The following ACTR8 variants were observed in gnomAD, a reference collection of about 807,000 sequenced individuals.
ACTR8 encodes actin related protein 8, also known as actin-related protein 8.
ACTR8 carries 70 observed loss-of-function variants against 84.3 expected under a neutral mutation model. That is an observed-to-expected ratio of 0.83 (90% CI 0.68 to 1.01). ACTR8 has a LOEUF of 1.01. ACTR8 is among the 50% of genes least tolerant of loss of function. The pLI, the probability that ACTR8 is intolerant of heterozygous loss-of-function variation, is 0.00. For missense variants in ACTR8, 672 were observed against 775.4 expected (o/e 0.87, Z 1.58); for synonymous variants, 268 against 275.2 (o/e 0.97, Z 0.26).
chr3:53,870,316 G>A lies in ACTR8; in HGVS notation c.1568-171C>T. ...CCCTACGAAACACAAATGTAGGCAT[G>A]TTGCCACGCCACCGCAATCCTACTT... On this transcript the variant is annotated intron_variant, in intron 11 of 12. Coordinates refer to ENST00000335754, the MANE Select transcript of ACTR8 (RefSeq NM_022899.5). The surrounding 1 kb of genome is among the most constrained non-coding windows in gnomAD (Gnocchi z 4.1). The A allele has an allele frequency of 1.4e-6, 1 of 702,372 alleles. No individual in the cohort carries two copies. The highest frequency in any genetic ancestry group is 2.4e-6 in the Non-Finnish European group (1 of 423,244). 43.5% of individuals were successfully genotyped at this position (702,372 alleles called of 1,614,324 possible).
In ACTR8 at chr3:53,868,792, A is replaced by G. The variant is rs1461472115; in HGVS notation, c.1802T>C (p.Leu601Pro). 6.2e-6 allele frequency: 10 copies of G among 1,614,238 alleles called. No homozygotes were observed. The highest frequency in any genetic ancestry group is 6.8e-6 in the Non-Finnish European group (8 of 1,180,050). Residue 601 changes from leucine to proline, a missense_variant, in exon 13 of 13, where the codon CTG becomes CCG. Transcript: ENST00000335754. ...VLACLDTTQE[L>P]WIYQREWQRF... The stretch of plus-strand genomic sequence containing the variant: ...CTGCCACTCTCGCTGATAAATCCAC[A>G]GTTCCTGTGTTGTATCCAAACAAGC...
At chr3:53,869,009 T>C (rs2107047415) in intron 12 of ACTR8, 147 bp from the exon 13 acceptor site, 1 of 1,204,170 alleles carries the variant, frequency 8.3e-7, no homozygotes, top group African/African-American at 1.5e-5. Flanking sequence ...CAGGATTAAA[T>C]ACAGGCTCAC....
At position 53,871,387 on chromosome 3, in the gene ACTR8, A is replaced by G. The variant is rs761445540; in HGVS notation, c.1412T>C (p.Val471Ala). The G allele has an allele frequency of 6.2e-7, 1 of 1,614,094 alleles. No individual in the cohort carries two copies. The highest frequency in any genetic ancestry group is 1.7e-5 in the Admixed American group (1 of 60,012). Residue 471 changes from valine to alanine, a missense_variant, in exon 11 of 13, where the codon GTA (valine) becomes GCA (alanine). By Grantham distance (64) the Val-to-Ala change is moderately conservative. Transcript: ENST00000335754. Reference protein sequence around the residue: ...DLPERLHSQEVDLGSAQGDGL... With the variant: ...DLPERLHSQEADLGSAQGDGL... Reference sequence around the variant, plus strand: ...ATCTCCCTGTGCAGACCCCAAATCTACCTCCTGGGAATGGAGTCTTTCTGG... The same window carrying G: ...ATCTCCCTGTGCAGACCCCAAATCTGCCTCCTGGGAATGGAGTCTTTCTGG...
chr3:53,865,255 G>A, downstream of ACTR8: 1 of 1,611,906 alleles, frequency 6.2e-7, no homozygotes, highest in Non-Finnish European at 8.5e-7. Flanking sequence ...CAAGCAGCAG[G>A]TGTCAGCAGG....
At chr3:53,860,169 T>A in the ACTR8 span, 2 of 1,614,164 alleles carry the variant, frequency 1.2e-6, no homozygotes, top group Non-Finnish European at 1.7e-6. Context: ...CTCCTCCTGC[T>A]GTCTCTGCTG....
Position 53,876,001 on chromosome 3 carries a change from G to A in ACTR8, c.858C>T (p.Asp286=). 1 of 1,614,036 alleles carries A rather than the reference G, an allele frequency of 6.2e-7. No individual in the cohort carries two copies. Among genetic ancestry groups the A allele is most frequent in the Non-Finnish European group, 8.5e-7 (1 of 1,180,024 alleles). Residue 286 remains aspartate, a synonymous_variant, in exon 7 of 13, where the codon GAC becomes GAT. Coordinates refer to ENST00000335754, the MANE Select transcript of ACTR8 (RefSeq NM_022899.5). The stretch of plus-strand genomic sequence containing the variant: ...CCACACAGCATACACTTGTCTTCTG[G>A]TCCCCAACGTCTACAATACACGTGC... ...LSSTCIVDVG[D]QKTSVCCVED... is the part of the protein sequence containing the mutation.
downstream of ACTR8, chr3:53,865,029 G>A (rs763699823): frequency 5.6e-6 from 9 of 1,614,076 alleles, no homozygotes; most frequent in Admixed American, 6.7e-5. Context: ...CCTGTGGCAA[G>A]AGCGAGGGCA....
Position 53,868,699 on chromosome 3 carries a change from C to T in ACTR8, c.*20G>A. 6.2e-7 allele frequency: 1 copy of T among 1,611,580 alleles called. No homozygotes were observed. The highest frequency in any genetic ancestry group is 8.5e-7 in the Non-Finnish European group (1 of 1,178,910). On this transcript the variant is annotated 3_prime_UTR_variant, in exon 13 of 13. Transcript: ENST00000335754. ...CAAGAAGCTTGTTTTTGGTCTTCGG[C>T]AGTGACATTTCCTCCCCATTCACCA...
At chr3:53,864,944 T>C (rs764783124), downstream of ACTR8, 75 of 1,613,986 alleles carry the variant, frequency 4.6e-5, no homozygotes, top group Non-Finnish European at 6.1e-5. Context: ...GTGCAGTGGC[T>C]TGCCACTCAA....
At chr3:53,865,284 C>A, downstream of ACTR8, 1 of 1,607,338 alleles carries the variant, frequency 6.2e-7, no homozygotes, top group Non-Finnish European at 8.5e-7. Context: ...CACAAGCCTG[C>A]CACGATGGCT....
downstream of ACTR8, among the ~76,000 whole-genome samples, chr3:53,862,782 T>C (rs548617420): frequency 2.0e-5 from 3 of 152,334 alleles, no homozygotes; most frequent in South Asian, 4.1e-4. Flanking sequence ...GACCCTTCTA[T>C]GATACAAGCA....
At chr3:53,865,089 C>A (rs1179626090), downstream of ACTR8, 2 of 1,614,172 alleles carry the variant, frequency 1.2e-6, no homozygotes, top group Non-Finnish European at 1.7e-6. Flanking sequence ...TTAACCTTTT[C>A]TGCAGTGATC....
intron 7 of ACTR8, 127 bp from the exon 8 acceptor site, chr3:53,874,491 G>A (rs1699937176): frequency 1.1e-6 from 1 of 915,540 alleles, no homozygotes; most frequent in East Asian, 3.0e-5. Flanking sequence ...TTGGGAGGCT[G>A]AGATGAGCAG....
chr3:53,868,154 T>C lies in ACTR8; in HGVS notation c.*565A>G, dbSNP rs906764781. On this transcript the variant is annotated 3_prime_UTR_variant, in exon 13 of 13. Transcript: ENST00000335754. ...CTTTGGAAATCGAGACCTGAATGGG[T>C]CCCATTCTTTTTCTGTAATCCAACA... 6.6e-6 allele frequency: 1 copy of C among 151,136 alleles called. No individual in the cohort carries two copies. Among genetic ancestry groups the C allele is most frequent in the African/African-American group, 2.4e-5 (1 of 40,968 alleles). The allele number at this position is 151,136 out of a possible 1,614,324, so 9.4% of individuals were successfully genotyped here. A position where few individuals can be genotyped will look rare whatever the true frequency, so the allele number is the denominator to read the frequency against.
At position 53,875,984 on chromosome 3, in the gene ACTR8, C is replaced by CAT; in HGVS notation, c.873_874dup (p.Cys292TyrfsTer31). On this transcript the variant is annotated frameshift_variant, in exon 7 of 13. Coordinates refer to ENST00000335754, the MANE Select transcript of ACTR8 (RefSeq NM_022899.5). LOFTEE classifies it high-confidence loss of function. ...ATGAGACACCCCATCCTCCACACAG[C>CAT]ATACACTTGTCTTCTGGTCCCCAAC... 1 of 1,614,218 alleles carries CAT rather than the reference C, an allele frequency of 6.2e-7. No individual in the cohort carries two copies. The highest frequency in any genetic ancestry group is 8.5e-7 in the Non-Finnish European group (1 of 1,180,042).
intron 12 of ACTR8, among the ~76,000 whole-genome samples, chr3:53,869,063 C>T (rs904728495): frequency 6.6e-6 from 1 of 152,212 alleles, no homozygotes; most frequent in African/African-American, 2.4e-5. Context: ...GGGCAGATCA[C>T]GAGATCAGGA....
chr3:53,866,318 A>G (rs568825617), downstream of ACTR8, among the ~76,000 whole-genome samples: 1 of 152,282 alleles, frequency 6.6e-6, no homozygotes, highest in African/African-American at 2.4e-5. Flanking sequence ...CTGGAGGTCA[A>G]GGGTGCAGTA....
intron 8 of ACTR8, among the ~76,000 whole-genome samples, chr3:53,873,818 TTTTA>T (rs887350125): frequency 4.6e-5 from 7 of 152,090 alleles, no homozygotes; most frequent in South Asian, 4.1e-4. Context: ...TGTTACTTCA[TTTTA>T]TTTATTTATT....
intron 5 of ACTR8, among the ~76,000 whole-genome samples, chr3:53,876,974 C>T (rs894819436): frequency 6.7e-6 from 1 of 149,836 alleles, no homozygotes; most frequent in African/African-American, 2.5e-5. Flanking sequence ...AAAGAGAAGA[C>T]AAAAATGAGC....
Sources: allele counts gnomAD v4.1 joint callset (sites outside exome capture counted in the v4.1 genomes callset), GRCh38; gene constraint gnomAD v4.1.1; non-coding constraint Gnocchi (gnomAD v3.1); transcripts MANE v1.5; gene names NCBI Gene and HGNC (gene_info 2026-07-23, HGNC 2026-07-21).